The following CDC42SE2 variants were observed in gnomAD, a reference collection of about 807,000 sequenced individuals.
CDC42SE2 encodes the protein CDC42 small effector 2, also known as CDC42 small effector protein 2.
A neutral mutation model predicts 11.5 loss-of-function variants in CDC42SE2; 3 were observed. The ratio of observed to expected loss-of-function variants is 0.26; its 90% CI spans 0.12 to 0.67. CDC42SE2 has a LOEUF of 0.67. CDC42SE2 is among the 30% of genes least tolerant of loss of function. The pLI is 0.80. For missense variants in CDC42SE2, 82 were observed against 106.8 expected (o/e 0.77, Z 1.02); for synonymous variants, 33 against 34.8 (o/e 0.95, Z 0.18).
chr5:131,271,566 G>A (rs1024473403), intron 1 of CDC42SE2, among the ~76,000 whole-genome samples: 1 of 152,080 alleles, frequency 6.6e-6, no homozygotes, highest in Non-Finnish European at 1.5e-5. Flanking sequence ...AGCATCTGGG[G>A]ATTTGGGCCA....
chr5:131,367,041 T>TTA (rs942819548), intron 3 of CDC42SE2, among the ~76,000 whole-genome samples: 31 of 150,696 alleles, frequency 2.1e-4, no homozygotes, highest in Admixed American at 4.0e-4. Context: ...AACAAATTTT[T>TTA]TATATATATA....
chr5:131,363,940 C>T (rs563204402), intron 3 of CDC42SE2, among the ~76,000 whole-genome samples: 1 of 152,284 alleles, frequency 6.6e-6, no homozygotes, highest in Non-Finnish European at 1.5e-5. Context: ...AATGATCCTC[C>T]TGCCTCAGCC....
intron 2 of CDC42SE2, among the ~76,000 whole-genome samples, chr5:131,328,140 T>G (rs1047277575): frequency 3.3e-5 from 5 of 152,194 alleles, no homozygotes; most frequent in African/African-American, 1.2e-4. Flanking sequence ...TGGTTTCCAA[T>G]GCATGTTTTT....
chr5:131,310,877 T>A (rs1024518234), intron 1 of CDC42SE2, among the ~76,000 whole-genome samples: 7 of 152,078 alleles, frequency 4.6e-5, no homozygotes, highest in African/African-American at 1.7e-4. Context: ...AGCACACTGA[T>A]GGGTCTTGAC....
intron 2 of CDC42SE2, among the ~76,000 whole-genome samples, chr5:131,330,872 T>A (rs931349510): frequency 1.2e-4 from 18 of 144,610 alleles, no homozygotes; most frequent in East Asian, 5.9e-4. Flanking sequence ...AAAAAAAAAA[T>A]TTAAGTAGCT....
chr5:131,226,154 A>T, the CDC42SE2 span, among the ~76,000 whole-genome samples: 3 of 152,244 alleles, frequency 2.0e-5, no homozygotes, highest in Admixed American at 6.5e-5. Flanking sequence ...TGGCGAAGCG[A>T]AGTAGTAACC....
chr5:131,320,464 G>A lies in CDC42SE2; in HGVS notation c.-286+4320G>A, dbSNP rs114018291. Among the ~76,000 whole-genome samples the A allele has an allele frequency of 5.9e-3, 891 of 151,276 alleles. 10 individuals carry two copies. The highest frequency in any genetic ancestry group is 0.021 in the African/African-American group (863 of 41,256). On this transcript the variant is annotated intron_variant, in intron 2 of 4. Transcript: ENST00000505065. ...AGATATTAAAAATGTATTCTGGCCG[G>A]GTGGCAGTGGCTTATGCCTGTAATC...
upstream of CDC42SE2, among the ~76,000 whole-genome samples, chr5:131,259,567 G>A (rs1756706293): frequency 6.6e-6 from 1 of 152,162 alleles, no homozygotes; most frequent in African/African-American, 2.4e-5. Context: ...CTATAAAGAA[G>A]CAATTTAAGT....
chr5:131,231,777 CTTT>C, the CDC42SE2 span, among the ~76,000 whole-genome samples: 482 of 151,810 alleles, frequency 3.2e-3, 3 homozygotes, highest in Non-Finnish European at 5.0e-3. Flanking sequence ...AATTGTTATA[CTTT>C]TTTTTCTTTT....
At chr5:131,347,573 A>C (rs1758879903) in intron 2 of CDC42SE2, among the ~76,000 whole-genome samples, 2 of 152,214 alleles carry the variant, frequency 1.3e-5, no homozygotes, top group Non-Finnish European at 2.9e-5. Flanking sequence ...CAGAGGTACA[A>C]AGAGGAGCTG....
intron 1 of CDC42SE2, among the ~76,000 whole-genome samples, chr5:131,268,541 C>T (rs1269687938): frequency 6.6e-6 from 1 of 151,710 alleles, no homozygotes; most frequent in African/African-American, 2.4e-5. Context: ...CAACCTCCAC[C>T]TCCCCGGTTC....
chr5:131,341,898 TAA>T (rs1056198794), intron 2 of CDC42SE2, among the ~76,000 whole-genome samples: 1 of 136,412 alleles, frequency 7.3e-6, no homozygotes, highest in Non-Finnish European at 1.7e-5. Flanking sequence ...CTTGTCTCAA[TAA>T]AAAAAAAAAA....
At chr5:131,331,702 C>T (rs1015562393) in intron 2 of CDC42SE2, among the ~76,000 whole-genome samples, 1 of 152,072 alleles carries the variant, frequency 6.6e-6, no homozygotes, top group Non-Finnish European at 1.5e-5. Flanking sequence ...AATACTGAAT[C>T]TCTTATTTGA....
the CDC42SE2 span, among the ~76,000 whole-genome samples, chr5:131,223,620 A>G: frequency 1.3e-5 from 2 of 152,206 alleles, no homozygotes; most frequent in Non-Finnish European, 2.9e-5. Context: ...CATTGCTCCA[A>G]TAGTTCCTGC....
chr5:131,216,514 A>ACAAAAC, the CDC42SE2 span, among the ~76,000 whole-genome samples: 14,197 of 149,222 alleles, frequency 0.095, 916 homozygotes, highest in South Asian at 0.14. Context: ...AAAAAAAAAA[A>ACAAAAC]AAAAAAAACA....
intron 2 of CDC42SE2, among the ~76,000 whole-genome samples, chr5:131,335,052 T>G (rs1758520800): frequency 6.6e-6 from 1 of 152,160 alleles, no homozygotes; most frequent in Admixed American, 6.5e-5. Context: ...CTTTTAATTG[T>G]GATGTTAGGG....
the CDC42SE2 span, among the ~76,000 whole-genome samples, chr5:131,218,550 A>T: frequency 1.8e-4 from 27 of 152,354 alleles, no homozygotes; most frequent in Middle Eastern, 3.4e-3. Flanking sequence ...AATGATGTCC[A>T]CTGAAAGACA....
At chr5:131,286,971 TC>T (rs1757354311) in intron 1 of CDC42SE2, among the ~76,000 whole-genome samples, 1 of 151,782 alleles carries the variant, frequency 6.6e-6, no homozygotes, top group Non-Finnish European at 1.5e-5. Flanking sequence ...AGTTCATGGG[TC>T]AACTGTATTT....
At chr5:131,344,674 C>G (rs245797) in intron 2 of CDC42SE2, among the ~76,000 whole-genome samples, 65,375 of 152,074 alleles carry the variant, frequency 0.43, 18,046 homozygotes, top group African/African-American at 0.79. Flanking sequence ...CACGGAGTTT[C>G]AGATCTGAGA....
Sources: allele counts gnomAD v4.1 joint callset (sites outside exome capture counted in the v4.1 genomes callset), GRCh38; gene constraint gnomAD v4.1.1; transcripts MANE v1.5; gene names NCBI Gene and HGNC (gene_info 2026-07-23, HGNC 2026-07-21).